KIAA1217: variants seen among roughly 807,000 people sequenced by gnomAD.
KIAA1217 encodes sickle tail protein homolog.
A neutral mutation model predicts 163.9 loss-of-function variants in KIAA1217; 88 were observed. The observed-to-expected ratio is 0.54, with a 90% CI of 0.45 to 0.64. The LOEUF is 0.64. Among genes scored for constraint, KIAA1217 ranks in the 30% least tolerant of loss-of-function variants. KIAA1217 has a pLI of 0.00. For missense variants in KIAA1217, 2,372 were observed against 2,475.0 expected (o/e 0.96, Z 0.88); for synonymous variants, 903 against 923.1 (o/e 0.98, Z 0.39).
intron 1 of KIAA1217, among the ~76,000 whole-genome samples, chr10:23,896,789 T>TG (rs1183415533): frequency 1.3e-5 from 2 of 152,102 alleles, no homozygotes; most frequent in Admixed American, 1.3e-4. Flanking sequence ...TATTTTTAAA[T>TG]TTTTGAAGTT....
chr10:24,337,589 TTTTTTC>T (rs1488462394), intron 2 of KIAA1217, among the ~76,000 whole-genome samples: 3 of 149,354 alleles, frequency 2.0e-5, no homozygotes, highest in African/African-American at 4.9e-5. Flanking sequence ...TTTGTGTGGT[TTTTTTC>T]TTTTCTTTTC....
At chr10:24,141,728 T>C (rs573024062) in intron 2 of KIAA1217, among the ~76,000 whole-genome samples, 61 of 152,220 alleles carry the variant, frequency 4.0e-4, no homozygotes, top group African/African-American at 1.4e-3. Context: ...AACAATTAAA[T>C]TCACATTGGA....
intron 1 of KIAA1217, among the ~76,000 whole-genome samples, chr10:23,841,215 T>C: frequency 6.6e-6 from 1 of 152,210 alleles, no homozygotes; most frequent in East Asian, 1.9e-4. Context: ...GATGTTTTCA[T>C]TAGGTTGTGT....
At chr10:23,729,437 A>G (rs1029943646) in intron 1 of KIAA1217, among the ~76,000 whole-genome samples, 1 of 152,086 alleles carries the variant, frequency 6.6e-6, no homozygotes, top group African/African-American at 2.4e-5. Flanking sequence ...AGTTCCCGTT[A>G]CTCCACATCC....
chr10:24,473,561 G>T lies in KIAA1217; in HGVS notation c.1180G>T (p.Ala394Ser), dbSNP rs367992221. The T allele has an allele frequency of 5.6e-6, 9 of 1,614,054 alleles. No individual in the cohort carries two copies. Among genetic ancestry groups the T allele is most frequent in the African/African-American group, 4.0e-5 (3 of 74,908 alleles). The change falls in exon 6 of 21, where the codon GCT (alanine) becomes TCT (serine). Residue 394 changes from alanine to serine, a missense_variant. By Grantham distance (99) the Ala-to-Ser change is moderately conservative. Around this residue, in one of 3 missense-constraint regions of KIAA1217, gnomAD observed 1,431 missense variants for 1,470.3 expected, o/e 0.97. Coordinates refer to ENST00000376454, the MANE Select transcript of KIAA1217 (RefSeq NM_019590.5). ...IAMYRNEGFY[A>S]DPYLYHEGRM... ...AATGTACAGAAATGAGGGTTTCTATGCTGATCCTTACCTTTATCACGAGGG... is the reference window on the plus strand; with the variant it reads ...AATGTACAGAAATGAGGGTTTCTATTCTGATCCTTACCTTTATCACGAGGG...
chr10:23,745,098 C>T (rs1350896464), intron 1 of KIAA1217, among the ~76,000 whole-genome samples: 1 of 152,184 alleles, frequency 6.6e-6, no homozygotes, highest in East Asian at 1.9e-4. Context: ...AGTTAACCAT[C>T]ACAGCCTCCA....
chr10:23,877,132 T>A (rs1840734925), intron 1 of KIAA1217, among the ~76,000 whole-genome samples: 1 of 151,992 alleles, frequency 6.6e-6, no homozygotes, highest in Admixed American at 6.6e-5. Context: ...TGCGTTTTCT[T>A]TGGCTAATGA....
At chr10:24,512,087 G>T in intron 9 of KIAA1217, among the ~76,000 whole-genome samples, 1 of 152,224 alleles carries the variant, frequency 6.6e-6, no homozygotes, top group East Asian at 1.9e-4. Flanking sequence ...CAGTGCTGAT[G>T]TTGGGACCTA....
intron 1 of KIAA1217, among the ~76,000 whole-genome samples, chr10:23,785,896 A>G (rs1284878573): frequency 2.6e-5 from 4 of 152,174 alleles, no homozygotes; most frequent in Non-Finnish European, 1.5e-5. Flanking sequence ...ATATGGGGTG[A>G]GTGGGATACA....
At chr10:24,038,296 A>G (rs977429387) in intron 2 of KIAA1217, among the ~76,000 whole-genome samples, 1 of 152,340 alleles carries the variant, frequency 6.6e-6, no homozygotes, top group Non-Finnish European at 1.5e-5. Flanking sequence ...GTGCTCTTCA[A>G]TGCGCTTTAA....
chr10:24,232,580 T>C (rs1447050460), intron 2 of KIAA1217, among the ~76,000 whole-genome samples: 4 of 152,088 alleles, frequency 2.6e-5, no homozygotes, highest in African/African-American at 4.8e-5. Context: ...CTAGAGGAAA[T>C]TGCCACAAAA....
chr10:24,175,047 A>G (rs562195792), intron 2 of KIAA1217, among the ~76,000 whole-genome samples: 2 of 151,656 alleles, frequency 1.3e-5, no homozygotes, highest in South Asian at 4.2e-4. Context: ...TTTTCAGTAG[A>G]GACAGGGTCT....
chr10:23,884,551 C>A (rs150704549), intron 1 of KIAA1217, among the ~76,000 whole-genome samples: 31 of 152,052 alleles, frequency 2.0e-4, no homozygotes, highest in Non-Finnish European at 3.8e-4. Context: ...TCATCTTCAT[C>A]TCTTCAGCTA....
intron 2 of KIAA1217, among the ~76,000 whole-genome samples, chr10:24,298,610 C>T (rs2040906127): frequency 6.6e-6 from 1 of 151,990 alleles, no homozygotes; most frequent in Non-Finnish European, 1.5e-5. Context: ...CCAGCCTGGT[C>T]AACATGGCAA....
intron 2 of KIAA1217, among the ~76,000 whole-genome samples, chr10:24,251,159 G>A (rs1430448773): frequency 1.3e-5 from 2 of 151,922 alleles, no homozygotes; most frequent in Non-Finnish European, 2.9e-5. Flanking sequence ...CCAGGAGGCG[G>A]AGGTTGCAGT....
intron 2 of KIAA1217, among the ~76,000 whole-genome samples, chr10:24,345,270 T>G (rs2047586471): frequency 2.0e-5 from 3 of 152,216 alleles, no homozygotes; most frequent in Admixed American, 6.5e-5. Context: ...ACAGCTGTAG[T>G]GCTTGGCTTG....
chr10:23,880,268 TA>T lies in KIAA1217; in HGVS notation c.-320-126948del, dbSNP rs564767243. ...CACACAATGAAGTATAATTCTACCA[TA>T]AAAAAAAATGAGATGCTGTCATTTG... On this transcript the variant is annotated intron_variant, in intron 1 of 18. Transcript: ENST00000376462. 1.3e-3 allele frequency among the ~76,000 whole-genome samples: 197 copies of T among 150,698 alleles called. 1 individual carries two copies. The highest frequency in any genetic ancestry group is 4.3e-3 in the African/African-American group (176 of 41,154).
chr10:24,154,673 G>A lies in KIAA1217; in HGVS notation c.-170-64953G>A, dbSNP rs183428174. On this transcript the variant is annotated intron_variant, in intron 2 of 18. Coordinates refer to the KIAA1217 transcript ENST00000376462. ...GTGGATCACCTTAGGTCAGGAGTTC[G>A]AGACCTTCCTGGCCAACATGGTGAA... 1.2e-3 allele frequency among the ~76,000 whole-genome samples: 187 copies of A among 152,090 alleles called. 1 individual carries two copies. The South Asian group carries it at 0.015, about 12-fold the overall frequency.
intron 1 of KIAA1217, among the ~76,000 whole-genome samples, chr10:23,927,949 T>C (rs929094893): frequency 2.0e-5 from 3 of 152,218 alleles, no homozygotes; most frequent in African/African-American, 7.2e-5. Flanking sequence ...ATTCAATCAC[T>C]GAAGGACTTG....
Sources: allele counts gnomAD v4.1 joint callset (sites outside exome capture counted in the v4.1 genomes callset), GRCh38; gene constraint gnomAD v4.1.1; regional missense constraint gnomAD v4.1.1; transcripts MANE v1.5; gene names NCBI Gene and HGNC (gene_info 2026-07-23, HGNC 2026-07-21).